BEND2: variants seen among roughly 807,000 people sequenced by gnomAD.
BEND2 encodes BEN domain-containing protein 2.
Under a neutral mutation model 43.8 loss-of-function variants are expected in BEND2, and 19 were observed. The observed-to-expected ratio is 0.43, with a 90% CI of 0.30 to 0.64. BEND2 has a LOEUF of 0.64. Among genes scored for constraint, BEND2 ranks in the 30% least tolerant of loss-of-function variants. The probability of loss-of-function intolerance (pLI) is 0.11; values close to 1 mark genes in which losing one functional copy is unlikely to be tolerated. For missense variants in BEND2, 544 were observed against 574.0 expected, an observed-to-expected ratio of 0.95 and a Z score of 0.53; for synonymous variants, 226 against 210.1, an observed-to-expected ratio of 1.08 and a Z score of -0.66.
At chrX:18,170,867 C>T (rs1241016222) in intron 13 of BEND2, 134 bp downstream of exon 13, 11 of 1,083,852 alleles carry the variant, frequency 1.0e-5, no homozygotes, top group Non-Finnish European at 1.4e-5. Context: ...TTGCTGTACT[C>T]TAATGAGGCA....
rs749705994 is a variant in BEND2 at position 18,178,369 on chromosome X, G to A, written c.1430-600C>T. On this transcript the variant is annotated intron_variant, in intron 9 of 13. Coordinates refer to ENST00000380033, the MANE Select transcript of BEND2 (RefSeq NM_153346.5). ...TCCCACCCCATTATTTCCAAATAAG[G>A]AGACTGAGGCCCAAAGGAGATAAGT... 1.7e-3 allele frequency among the ~76,000 whole-genome samples: 194 copies of A among 111,367 alleles called. 1 individual carries two copies. The highest frequency in any genetic ancestry group is 2.9e-3 in the Non-Finnish European group (156 of 53,080).
rs769031888 is a variant in BEND2 at position 18,163,567 on chromosome X, C to G, written c.*1442G>C. 8.9e-5 allele frequency: 10 copies of G among 111,923 alleles called. No individual in the cohort carries two copies. Among genetic ancestry groups the G allele is most frequent in the Non-Finnish European group, 1.9e-4 (10 of 53,195 alleles). The allele number at this position is 111,923 out of a possible 1,213,427, so 9.2% of individuals were successfully genotyped here. On this transcript the variant is annotated 3_prime_UTR_variant, in exon 14 of 14. Coordinates refer to ENST00000380033, the MANE Select transcript of BEND2 (RefSeq NM_153346.5). ...TATCAGACAAGACTGCTCTAAATAACTTCTAAAAACCACTAATGTAATAAA... is the reference window on the plus strand; with the variant it reads ...TATCAGACAAGACTGCTCTAAATAAGTTCTAAAAACCACTAATGTAATAAA...
intron 4 of BEND2, among the ~76,000 whole-genome samples, chrX:18,205,162 TAAAC>T (rs1039184789): frequency 2.6e-4 from 29 of 111,109 alleles, no homozygotes; most frequent in African/African-American, 9.5e-4. Context: ...AAAATACGCT[TAAAC>T]AAAGGGCCAG....
chrX:18,167,003 G>A (rs1194815294), intron 13 of BEND2, among the ~76,000 whole-genome samples: 2 of 111,351 alleles, frequency 1.8e-5, no homozygotes, highest in Non-Finnish European at 3.8e-5. Flanking sequence ...TCATGAGGCT[G>A]GGCACAGTGG....
chrX:18,180,715 G>A (rs1379247677), intron 8 of BEND2, 65 bp from the exon 9 acceptor site: 2 of 834,546 alleles, frequency 2.4e-6, no homozygotes, highest in African/African-American at 4.1e-5. Context: ...AGGTACAGAG[G>A]GGAAATACAC....
chrX:18,169,349 T>C (rs1178049351), intron 13 of BEND2, among the ~76,000 whole-genome samples: 2 of 110,873 alleles, frequency 1.8e-5, no homozygotes, highest in African/African-American at 3.3e-5. Flanking sequence ...GAAGCTTTCA[T>C]TATTTTTTTA....
In BEND2 at chrX:18,220,792, G is replaced by A; in HGVS notation, c.-42C>T. 2 of 1,183,492 alleles carry A rather than the reference G, an allele frequency of 1.7e-6. No individual in the cohort carries two copies. Among genetic ancestry groups the A allele is most frequent in the Non-Finnish European group, 2.3e-6 (2 of 874,994 alleles). On this transcript the variant is annotated 5_prime_UTR_variant, in exon 1 of 14. Coordinates refer to ENST00000380033, the MANE Select transcript of BEND2 (RefSeq NM_153346.5). ...CTGGCTCTGAGGCCCGAGACCTGAG[G>A]CCCGAGACCTGAGGCCTACGTCTGC...
chrX:18,165,033 G>T lies in BEND2; in HGVS notation c.2376C>A (p.Pro792=). The change falls in exon 14 of 14, where the codon CCC becomes CCA. Residue 792 remains proline, a synonymous_variant. Coordinates refer to ENST00000380033, the MANE Select transcript of BEND2 (RefSeq NM_153346.5). ...TTCAGGTGCTTGGGTCAGTGGCGTC[G>T]GGATCTCCTGGCTTTGACTCCTGCT... ...ELEQESKPGD[P]DATDPST is the part of the protein sequence containing the mutation. 9 of 1,208,978 alleles carry T rather than the reference G, an allele frequency of 7.4e-6. No individual in the cohort carries two copies. The highest frequency in any genetic ancestry group is 8.9e-6 in the Non-Finnish European group (8 of 895,152).
At position 18,165,045 on chromosome X, in the gene BEND2, C is replaced by T. The variant is rs375007781; in HGVS notation, c.2364G>A (p.Lys788=). The T allele has an allele frequency of 4.1e-6, 5 of 1,207,436 alleles. No homozygotes were observed. The African/African-American group carries it at 5.3e-5, about 13-fold the overall frequency. The change falls in exon 14 of 14, where the codon AAG becomes AAA. Residue 788 remains lysine, a synonymous_variant. Coordinates refer to ENST00000380033, the MANE Select transcript of BEND2 (RefSeq NM_153346.5). Reference sequence around the variant, plus strand: ...GGTCAGTGGCGTCGGGATCTCCTGGCTTTGACTCCTGCTCCAGCTCTGGAG... The same window carrying T: ...GGTCAGTGGCGTCGGGATCTCCTGGTTTTGACTCCTGCTCCAGCTCTGGAG... The part of the protein sequence containing the change: ...VTPPELEQES[K]PGDPDATDPS...
intron 7 of BEND2, 130 bp from the exon 8 acceptor site, chrX:18,191,238 A>G (rs1924761648): frequency 2.0e-6 from 1 of 498,587 alleles, no homozygotes; most frequent in Non-Finnish European, 3.2e-6. Flanking sequence ...ATTCTCAGAC[A>G]AAGAAAAACT....
At chrX:18,188,507 C>A (rs1464255149) in intron 8 of BEND2, among the ~76,000 whole-genome samples, 1 of 111,723 alleles carries the variant, frequency 9.0e-6, no homozygotes, top group Non-Finnish European at 1.9e-5. Context: ...TAACTGCATG[C>A]CAACAAACTG....
chrX:18,220,877 G>T lies in BEND2; in HGVS notation c.-127C>A. 1 of 731,665 alleles carries T rather than the reference G, an allele frequency of 1.4e-6. No individual in the cohort carries two copies. Among genetic ancestry groups the T allele is most frequent in the Non-Finnish European group, 2.0e-6 (1 of 506,204 alleles). The allele number at this position is 731,665 out of a possible 1,213,427, so 60.3% of individuals were successfully genotyped here. Reference sequence around the variant, plus strand: ...TGGTAACTGCGTACACTCGTTGTCCGAGGCACAATGAGGCCCGGGCAGGAG... The same window carrying T: ...TGGTAACTGCGTACACTCGTTGTCCTAGGCACAATGAGGCCCGGGCAGGAG... On this transcript the variant is annotated 5_prime_UTR_variant, in exon 1 of 14. Coordinates refer to ENST00000380033, the MANE Select transcript of BEND2 (RefSeq NM_153346.5).
intron 13 of BEND2, among the ~76,000 whole-genome samples, chrX:18,169,331 A>G (rs1407990041): frequency 2.7e-5 from 3 of 110,965 alleles, no homozygotes; most frequent in African/African-American, 6.5e-5. Context: ...AGTGTTAATT[A>G]TATCAGTGAA....
At chrX:18,201,410 AAAAAAAAC>A (rs1925148633) in intron 6 of BEND2, among the ~76,000 whole-genome samples, 7 of 97,038 alleles carry the variant, frequency 7.2e-5, no homozygotes, top group African/African-American at 3.1e-4. Context: ...AAAAAAAAAA[AAAAAAAAC>A]AAAAAAAAAA....
chrX:18,216,000 T>C (rs535650386), intron 2 of BEND2, among the ~76,000 whole-genome samples: 3 of 112,016 alleles, frequency 2.7e-5, no homozygotes, highest in South Asian at 7.5e-4. Flanking sequence ...GGGTCTTGGA[T>C]GCTAATGTAA....
At position 18,176,057 on chromosome X, in the gene BEND2, T is replaced by C. The variant is rs1212036545; in HGVS notation, c.1667A>G (p.His556Arg). The C allele has an allele frequency of 2.5e-6, 3 of 1,202,049 alleles. No homozygotes were observed. Among genetic ancestry groups the C allele is most frequent in the Non-Finnish European group, 3.4e-6 (3 of 891,491 alleles). ...LATTFPTCDL[H>R]EHGKDWQDCI... ...GTCCTGCCAGTCTTTTCCATGTTCA[T>C]GCAAATCACAGGTGGGAAAAGTTGT... The change falls in exon 11 of 14, where the codon CAT becomes CGT. Residue 556 changes from histidine to arginine, a missense_variant. By Grantham distance (29) the His-to-Arg change is conservative (BLOSUM62 0). This residue lies in a region of BEND2 where 501 missense variants were observed against 501.6 expected (regional missense o/e 1.00). Transcript: ENST00000380033.
intron 8 of BEND2, among the ~76,000 whole-genome samples, chrX:18,185,087 G>A (rs1485116627): frequency 9.1e-6 from 1 of 109,763 alleles, no homozygotes; most frequent in Non-Finnish European, 1.9e-5. Context: ...TAGTGAGCTT[G>A]AAGACAGGCT....
At chrX:18,168,858 T>C (rs922347800) in intron 13 of BEND2, among the ~76,000 whole-genome samples, 1 of 112,341 alleles carries the variant, frequency 8.9e-6, no homozygotes, top group Non-Finnish European at 1.9e-5. Context: ...GGTTTATTCA[T>C]TCAATGGGAT....
intron 7 of BEND2, among the ~76,000 whole-genome samples, chrX:18,194,858 G>C (rs1435697343): frequency 9.1e-6 from 1 of 110,101 alleles, no homozygotes; most frequent in Non-Finnish European, 1.9e-5. Context: ...TGAGAGAGTT[G>C]GTGTGGTTAT....
Sources: gnomAD v4.1 joint callset for allele counts (sites outside exome capture counted in the v4.1 genomes callset) on GRCh38, gnomAD v4.1.1 for gene constraint, gnomAD v4.1.1 regional missense constraint, MANE v1.5 for transcripts, NCBI Gene and HGNC (gene_info 2026-07-23, HGNC 2026-07-21) for gene names.